Variants in DCC observed in about 807,000 individuals in gnomAD.
DCC encodes netrin receptor DCC.
Under a neutral mutation model 172.5 loss-of-function variants are expected in DCC, and 58 were observed. The ratio of observed to expected loss-of-function variants is 0.34; its 90% CI spans 0.27 to 0.42. The LOEUF (loss-of-function observed/expected upper bound fraction) is 0.42. Ranked by LOEUF, DCC falls within the 10% of genes least tolerant of loss-of-function variation. The probability of loss-of-function intolerance (pLI) is 1.00; values close to 1 mark genes in which losing one functional copy is unlikely to be tolerated. For synonymous variants in DCC, 709 were observed against 644.5 expected, an observed-to-expected ratio of 1.10 and a Z score of -1.52; for missense variants, 1,740 against 1,791.0, an observed-to-expected ratio of 0.97 and a Z score of 0.51.
intron 1 of DCC, among the ~76,000 whole-genome samples, chr18:52,556,973 TA>T (rs1458403834): frequency 6.6e-6 from 1 of 152,184 alleles, no homozygotes; most frequent in Non-Finnish European, 1.5e-5. Context: ...GTGTATTTGT[TA>T]AAATAGGAAT....
intron 5 of DCC, among the ~76,000 whole-genome samples, chr18:52,942,104 A>T (rs2145526189): frequency 6.6e-6 from 1 of 152,234 alleles, no homozygotes; most frequent in South Asian, 2.1e-4. Flanking sequence ...TTTTAAAAGT[A>T]ATTACTGCCT....
At chr18:52,908,962 G>A (rs770441741) in intron 3 of DCC, among the ~76,000 whole-genome samples, 30 of 152,072 alleles carry the variant, frequency 2.0e-4, no homozygotes, top group Non-Finnish European at 3.5e-4. Flanking sequence ...AGCCTGTCTC[G>A]TATGCTAGCT....
intron 5 of DCC, among the ~76,000 whole-genome samples, chr18:53,015,907 T>A (rs1451470233): frequency 6.6e-6 from 1 of 152,144 alleles, no homozygotes; most frequent in Non-Finnish European, 1.5e-5. Flanking sequence ...ATGAAGTTCA[T>A]GTCTCTTTAA....
chr18:52,973,207 G>T (rs1167798947), intron 5 of DCC, among the ~76,000 whole-genome samples: 1 of 152,086 alleles, frequency 6.6e-6, no homozygotes, highest in Non-Finnish European at 1.5e-5. Context: ...GGAAGATGGG[G>T]TTATAGCAAT....
chr18:52,345,204 G>C (rs1983825893), intron 1 of DCC, among the ~76,000 whole-genome samples: 1 of 152,180 alleles, frequency 6.6e-6, no homozygotes, highest in South Asian at 2.1e-4. Context: ...AGCTTTGCCT[G>C]AGGCCAAAGA....
At chr18:52,780,084 TATTA>T (rs1352761809) in intron 2 of DCC, among the ~76,000 whole-genome samples, 1 of 152,228 alleles carries the variant, frequency 6.6e-6, no homozygotes, top group Non-Finnish European at 1.5e-5. Context: ...TTTTAAGTGT[TATTA>T]ATTAACCATC....
At chr18:52,566,162 G>T (rs1381599873) in intron 1 of DCC, among the ~76,000 whole-genome samples, 1 of 151,832 alleles carries the variant, frequency 6.6e-6, no homozygotes, top group African/African-American at 2.4e-5. Context: ...GGGTGGCATT[G>T]CACCATGGAA....
chr18:53,419,083 A>G (rs1325586344), intron 21 of DCC, among the ~76,000 whole-genome samples: 1 of 152,146 alleles, frequency 6.6e-6, no homozygotes, highest in Non-Finnish European at 1.5e-5. Flanking sequence ...AGGGTTGGGT[A>G]AGGAAATTGC....
chr18:52,642,754 C>G (rs72919032), intron 1 of DCC, among the ~76,000 whole-genome samples: 9,511 of 152,188 alleles, frequency 0.062, 399 homozygotes, highest in East Asian at 0.17. Context: ...ACCTTAATCT[C>G]CTGGGTTGAG....
chr18:53,171,718 G>A lies in DCC; in HGVS notation c.1419-7244G>A, dbSNP rs1439247632. Among the ~76,000 whole-genome samples, 13 of 151,942 alleles carry A rather than the reference G, an allele frequency of 8.6e-5. 1 individual carries two copies. The highest frequency in any genetic ancestry group is 8.5e-4 in the Admixed American group (13 of 15,240). On this transcript the variant is annotated intron_variant, in intron 8 of 28. Transcript: ENST00000442544. ...TTTAAAGTATACCTGTTCAGCAAAA[G>A]ACATAAACAGATACTTCTCAAAAGA... is the stretch of plus-strand genomic sequence containing the variant.
chr18:52,899,176 A>T (rs1054821937), intron 2 of DCC, among the ~76,000 whole-genome samples: 2 of 151,664 alleles, frequency 1.3e-5, no homozygotes, highest in Non-Finnish European at 1.5e-5. Context: ...TAAAGACAGG[A>T]TCTCTCTCTG....
intron 2 of DCC, among the ~76,000 whole-genome samples, chr18:52,802,505 C>G (rs1337776647): frequency 1.3e-5 from 2 of 151,056 alleles, no homozygotes; most frequent in African/African-American, 4.9e-5. Context: ...GACAAGGTCT[C>G]ACTCTCTTGT....
chr18:52,790,689 C>T (rs987439478), intron 2 of DCC, among the ~76,000 whole-genome samples: 1 of 152,138 alleles, frequency 6.6e-6, no homozygotes, highest in Non-Finnish European at 1.5e-5. Flanking sequence ...AGTGGTGTTT[C>T]CCCTATTTCT....
intron 26 of DCC, among the ~76,000 whole-genome samples, chr18:53,489,023 G>T (rs1237472231): frequency 6.6e-6 from 1 of 151,644 alleles, no homozygotes; most frequent in African/African-American, 2.4e-5. Flanking sequence ...GCTGGGCATG[G>T]TGGCATGCGC....
intron 13 of DCC, among the ~76,000 whole-genome samples, chr18:53,306,134 T>C (rs1251180063): frequency 2.0e-5 from 3 of 152,166 alleles, no homozygotes; most frequent in African/African-American, 4.8e-5. Flanking sequence ...AAAGGGTAGA[T>C]TGTAAAACAA....
At chr18:53,436,168 C>T (rs1911927699) in intron 22 of DCC, among the ~76,000 whole-genome samples, 1 of 152,114 alleles carries the variant, frequency 6.6e-6, no homozygotes, top group South Asian at 2.1e-4. Flanking sequence ...GTATACGTAT[C>T]CCTAAACATT....
chr18:52,644,537 C>T (rs1457542646), intron 1 of DCC, among the ~76,000 whole-genome samples: 1 of 149,086 alleles, frequency 6.7e-6, no homozygotes, highest in African/African-American at 2.5e-5. Flanking sequence ...CGAGATTGCG[C>T]CACCGTACTC....
At chr18:53,526,879 C>G in intron 28 of DCC, 120 bp downstream of exon 28, 1 of 1,021,908 alleles carries the variant, frequency 9.8e-7, no homozygotes, top group Non-Finnish European at 1.5e-6. Context: ...CATTGTTGTT[C>G]TTATTGTTGT....
intron 9 of DCC, among the ~76,000 whole-genome samples, chr18:53,191,812 T>A (rs2055370287): frequency 6.6e-6 from 1 of 152,180 alleles, no homozygotes; most frequent in South Asian, 2.1e-4. Context: ...ATTTTTTTTT[T>A]CCTGTTGATC....
Sources: gnomAD v4.1 joint callset for allele counts (sites outside exome capture counted in the v4.1 genomes callset) on GRCh38, gnomAD v4.1.1 for gene constraint, MANE v1.5 for transcripts, NCBI Gene and HGNC (gene_info 2026-07-23, HGNC 2026-07-21) for gene names.